CTNNA3: variants seen among roughly 807,000 people sequenced by gnomAD.
CTNNA3 encodes catenin alpha-3.
Under a neutral mutation model 95.7 loss-of-function variants are expected in CTNNA3, and 76 were observed. That is an observed-to-expected ratio of 0.79 (90% CI 0.66 to 0.96). The LOEUF (loss-of-function observed/expected upper bound fraction) is 0.96, where lower values mean the gene tolerates loss of function less well. CTNNA3 is among the 40% of genes least tolerant of loss of function. CTNNA3 has a pLI of 0.00. For missense variants in CTNNA3, 1,191 were observed against 1,089.8 expected (o/e 1.09, Z -1.31); for synonymous variants, 431 against 374.4 (o/e 1.15, Z -1.74).
intron 12 of CTNNA3, among the ~76,000 whole-genome samples, chr10:66,292,326 A>T (rs1169264731): frequency 6.6e-6 from 1 of 152,164 alleles, no homozygotes; most frequent in African/African-American, 2.4e-5. Flanking sequence ...CACAAGTTCT[A>T]TCAATTCAAT....
intron 5 of CTNNA3, among the ~76,000 whole-genome samples, chr10:67,293,662 C>T (rs1424239497): frequency 8.7e-6 from 1 of 115,322 alleles, no homozygotes. Flanking sequence ...TGCTATCCCT[C>T]CCCCTCCCCC....
chr10:67,001,736 C>T (rs892865266), intron 7 of CTNNA3, among the ~76,000 whole-genome samples: 1 of 152,202 alleles, frequency 6.6e-6, no homozygotes, highest in South Asian at 2.1e-4. Flanking sequence ...GTCAGGCACA[C>T]ATCAAGGACA....
At chr10:66,943,771 A>ATGAGTCAC (rs1848144506) in intron 7 of CTNNA3, among the ~76,000 whole-genome samples, 1 of 152,190 alleles carries the variant, frequency 6.6e-6, no homozygotes, top group African/African-American at 2.4e-5. Flanking sequence ...TCGCAATAAA[A>ATGAGTCAC]TGAGTCACAC....
At chr10:67,135,274 C>A (rs1196944766) in intron 7 of CTNNA3, among the ~76,000 whole-genome samples, 1 of 152,162 alleles carries the variant, frequency 6.6e-6, no homozygotes, top group Admixed American at 6.6e-5. Context: ...CCTTGTATCT[C>A]TGACATAACA....
chr10:66,175,201 C>G (rs2085645947), intron 13 of CTNNA3, among the ~76,000 whole-genome samples: 1 of 151,960 alleles, frequency 6.6e-6, no homozygotes, highest in Non-Finnish European at 1.5e-5. Context: ...CACTCACAAC[C>G]CTCAGCTAAA....
chr10:67,546,475 A>G (rs1309442211), intron 3 of CTNNA3, among the ~76,000 whole-genome samples: 1 of 152,174 alleles, frequency 6.6e-6, no homozygotes, highest in African/African-American at 2.4e-5. Flanking sequence ...CACAAAATAT[A>G]TTCCTGCAAC....
At chr10:66,924,844 G>A (rs969601714) in intron 7 of CTNNA3, among the ~76,000 whole-genome samples, 1 of 152,168 alleles carries the variant, frequency 6.6e-6, no homozygotes, top group Non-Finnish European at 1.5e-5. Context: ...TGAGAAAACT[G>A]AGGCATAGGG....
intron 5 of CTNNA3, among the ~76,000 whole-genome samples, chr10:67,381,370 G>A (rs2132731514): frequency 6.6e-6 from 1 of 152,104 alleles, no homozygotes; most frequent in Non-Finnish European, 1.5e-5. Flanking sequence ...ATGTGTTACT[G>A]TCCCACATAT....
chr10:67,640,023 G>T (rs1000420416), intron 2 of CTNNA3, among the ~76,000 whole-genome samples: 3 of 151,890 alleles, frequency 2.0e-5, no homozygotes, highest in Non-Finnish European at 4.4e-5. Flanking sequence ...CAGGCAGAAG[G>T]AAATAAAGGG....
At chr10:66,951,502 A>G (rs1848538766) in intron 7 of CTNNA3, among the ~76,000 whole-genome samples, 1 of 152,190 alleles carries the variant, frequency 6.6e-6, no homozygotes, top group Admixed American at 6.5e-5. Context: ...CGACAAATCT[A>G]TGAGATAGGT....
At chr10:65,996,121 T>A (rs770511939) in intron 15 of CTNNA3, among the ~76,000 whole-genome samples, 2 of 152,158 alleles carry the variant, frequency 1.3e-5, no homozygotes, top group Non-Finnish European at 2.9e-5. Flanking sequence ...CCACAGCCAG[T>A]TGGCTCTCAG....
chr10:66,555,207 A>C (rs1163589874), intron 10 of CTNNA3, among the ~76,000 whole-genome samples: 2 of 152,158 alleles, frequency 1.3e-5, no homozygotes, highest in Non-Finnish European at 2.9e-5. Flanking sequence ...CAGCCAAAAA[A>C]CAAAACAAAA....
chr10:66,773,812 C>G (rs996967235), intron 8 of CTNNA3, among the ~76,000 whole-genome samples: 1 of 152,082 alleles, frequency 6.6e-6, no homozygotes, highest in Non-Finnish European at 1.5e-5. Flanking sequence ...TATTAGTAAT[C>G]CCCAATGCTA....
At chr10:66,475,917 T>C (rs1839309722) in intron 11 of CTNNA3, among the ~76,000 whole-genome samples, 1 of 152,120 alleles carries the variant, frequency 6.6e-6, no homozygotes, top group Non-Finnish European at 1.5e-5. Flanking sequence ...TGCATGCATA[T>C]GTTCATTGCA....
intron 13 of CTNNA3, among the ~76,000 whole-genome samples, chr10:66,186,718 A>C (rs1278106993): frequency 6.6e-6 from 1 of 152,186 alleles, no homozygotes; most frequent in Non-Finnish European, 1.5e-5. Flanking sequence ...TACTTGTGCA[A>C]ACAATGTTAA....
intron 16 of CTNNA3, among the ~76,000 whole-genome samples, chr10:65,984,843 T>C (rs1442435198): frequency 1.3e-5 from 2 of 151,256 alleles, no homozygotes; most frequent in African/African-American, 2.4e-5. Context: ...TTCACTAAGA[T>C]TTAGTGTCTC....
At chr10:67,182,964 A>G (rs573541560) in intron 6 of CTNNA3, among the ~76,000 whole-genome samples, 4 of 152,358 alleles carry the variant, frequency 2.6e-5, no homozygotes, top group Non-Finnish European at 5.9e-5. Context: ...GCCATCAGAG[A>G]AATGCAAATC....
At chr10:67,239,538 T>C (rs1257270859) in intron 5 of CTNNA3, among the ~76,000 whole-genome samples, 1 of 152,162 alleles carries the variant, frequency 6.6e-6, no homozygotes, top group African/African-American at 2.4e-5. Flanking sequence ...TTCTGGTAAT[T>C]TTCTATTTCT....
intron 7 of CTNNA3, among the ~76,000 whole-genome samples, chr10:66,947,266 G>C (rs1007539809): frequency 6.6e-6 from 1 of 152,042 alleles, no homozygotes; most frequent in Middle Eastern, 3.2e-3. Flanking sequence ...TCTCTAATGG[G>C]GTATCTTGTA....
Sources: gnomAD v4.1 joint callset for allele counts (sites outside exome capture counted in the v4.1 genomes callset) on GRCh38, gnomAD v4.1.1 for gene constraint, MANE v1.5 for transcripts, NCBI Gene and HGNC (gene_info 2026-07-23, HGNC 2026-07-21) for gene names.